PDE4D: variants seen among roughly 807,000 people sequenced by gnomAD.
PDE4D encodes phosphodiesterase 4D, also known as 3',5'-cyclic-AMP phosphodiesterase 4D.
A neutral mutation model predicts 87.4 loss-of-function variants in PDE4D; 24 were observed. That is an observed-to-expected ratio of 0.27 (90% CI 0.20 to 0.39). PDE4D has a LOEUF of 0.39. Among genes scored for constraint, PDE4D ranks in the 10% least tolerant of loss-of-function variants. The pLI, the probability that PDE4D is intolerant of heterozygous loss-of-function variation, is 1.00. For synonymous variants in PDE4D, 384 were observed against 383.2 expected (o/e 1.00, Z -0.02); for missense variants, 714 against 1,041.0 (o/e 0.69, Z 4.32).
At chr5:59,697,327 T>C (rs917096097) in intron 1 of PDE4D, among the ~76,000 whole-genome samples, 1 of 152,134 alleles carries the variant, frequency 6.6e-6, no homozygotes, top group African/African-American at 2.4e-5. Context: ...ATTATAATTG[T>C]GTTAAATGCT....
At chr5:59,154,621 T>G (rs1779902266) in intron 5 of PDE4D, among the ~76,000 whole-genome samples, 1 of 152,174 alleles carries the variant, frequency 6.6e-6, no homozygotes, top group Non-Finnish European at 1.5e-5. Flanking sequence ...GCATGGTGGC[T>G]CACACCTGTA....
intron 2 of PDE4D, among the ~76,000 whole-genome samples, chr5:59,198,051 C>T (rs755379448): frequency 2.0e-5 from 3 of 152,162 alleles, no homozygotes; most frequent in Middle Eastern, 3.2e-3. Context: ...TTCAAAGTCA[C>T]ACAGTGAATA....
intron 2 of PDE4D, among the ~76,000 whole-genome samples, chr5:60,069,356 A>G (rs982672673): frequency 9.2e-5 from 14 of 152,182 alleles, no homozygotes; most frequent in African/African-American, 3.4e-4. Flanking sequence ...GGCACTAACT[A>G]TGAGGAAGCA....
chr5:59,114,278 T>C (rs953186595), intron 5 of PDE4D, among the ~76,000 whole-genome samples: 5 of 152,142 alleles, frequency 3.3e-5, no homozygotes, highest in African/African-American at 9.7e-5. Context: ...TTAAAGTATA[T>C]ATTAATGGTG....
intron 1 of PDE4D, chr5:60,372,593 A>G (rs1328518066): frequency 6.6e-6 from 1 of 152,192 alleles, no homozygotes; most frequent in Non-Finnish European, 1.5e-5. Flanking sequence ...GTTCCCTTGC[A>G]GCCCTTATTT....
rs116667918 is a variant in PDE4D, at chr5:60,161,983, G to A, written c.42+23574C>T. ...AGATGCTTATTCATCAGACTGCTGCGTCCACCACCAAAAGCATCAACCTAC... is the reference window on the plus strand; with the variant it reads ...AGATGCTTATTCATCAGACTGCTGCATCCACCACCAAAAGCATCAACCTAC... On this transcript the variant is annotated intron_variant, in intron 2 of 16. Transcript: ENST00000502484. Among the ~76,000 whole-genome samples the A allele has an allele frequency of 6.1e-3, 923 of 152,076 alleles. 12 individuals are homozygous for A. The highest frequency in any genetic ancestry group is 0.02 in the African/African-American group (836 of 41,490).
At chr5:59,270,437 A>G (rs944940036) in intron 1 of PDE4D, among the ~76,000 whole-genome samples, 5 of 152,182 alleles carry the variant, frequency 3.3e-5, no homozygotes, top group Admixed American at 6.5e-5. Context: ...GAAGCCTTAC[A>G]GAGCTTGCAG....
chr5:59,701,302 C>G (rs1278356113), intron 1 of PDE4D, among the ~76,000 whole-genome samples: 1 of 152,164 alleles, frequency 6.6e-6, no homozygotes. Flanking sequence ...TAGTGCTAAT[C>G]ACGGCACTCA....
intron 1 of PDE4D, among the ~76,000 whole-genome samples, chr5:59,853,230 C>T (rs1182063837): frequency 6.6e-6 from 1 of 151,982 alleles, no homozygotes; most frequent in East Asian, 1.9e-4. Flanking sequence ...AAATGCCATA[C>T]AGAAGTGTAA....
rs116809898 is a variant in PDE4D, at chr5:60,338,821, C to T, written c.-90+149121G>A. Among the ~76,000 whole-genome samples the T allele has an allele frequency of 4.4e-3, 665 of 151,886 alleles. 4 individuals carry two copies. Among genetic ancestry groups the T allele is most frequent in the Non-Finnish European group, 7.6e-3 (516 of 67,910 alleles). On this transcript the variant is annotated intron_variant, in intron 1 of 16. Coordinates refer to the PDE4D transcript ENST00000502484. ...ACAAAAATTATATGCTGAGGTTGCC[C>T]CTTCCCAAAATAGGAGAGGGGCCTG...
chr5:59,079,827 AAGGAAAGGAGGGGAGAGGAGGGGAG>A lies in PDE4D; in HGVS notation c.809-40881_809-40857del, dbSNP rs1325078986. ...ACTCTACCCAGTGTCAAGGAAAGGAAAGGAAAGGAGGGGAGAGGAGGGGAGAGGAGAGGAGAGGAGAGGAGAGGAG... is the reference window on the plus strand; with the variant it reads ...ACTCTACCCAGTGTCAAGGAAAGGAAAGGAGAGGAGAGGAGAGGAGAGGAG... On this transcript the variant is annotated intron_variant, in intron 5 of 14. Coordinates refer to ENST00000340635, the MANE Select transcript of PDE4D (RefSeq NM_001104631.2). 1.6e-3 allele frequency among the ~76,000 whole-genome samples: 202 copies of A among 123,728 alleles called. 1 individual carries two copies. The highest frequency in any genetic ancestry group is 5.2e-3 in the African/African-American group (185 of 35,514). The allele number at this position is 123,728 out of a possible 152,430, so 81.2% of individuals were successfully genotyped here. A position where few individuals can be genotyped will look rare whatever the true frequency, so the allele number is the denominator to read the frequency against.
intron 1 of PDE4D, among the ~76,000 whole-genome samples, chr5:59,388,969 C>A (rs1787680361): frequency 6.6e-6 from 1 of 151,932 alleles, no homozygotes; most frequent in African/African-American, 2.4e-5. Context: ...TTAGCTTTTA[C>A]CCCCAAACCT....
At chr5:60,028,948 C>A (rs1339265535) in intron 2 of PDE4D, among the ~76,000 whole-genome samples, 1 of 152,188 alleles carries the variant, frequency 6.6e-6, no homozygotes, top group East Asian at 1.9e-4. Context: ...ATTTATGATG[C>A]ACAATAATTC....
intron 3 of PDE4D, among the ~76,000 whole-genome samples, chr5:59,985,420 C>T (rs1340201072): frequency 2.0e-5 from 3 of 151,968 alleles, no homozygotes; most frequent in African/African-American, 4.8e-5. Context: ...GGATTACAGG[C>T]GTGAGCCACT....
intron 5 of PDE4D, among the ~76,000 whole-genome samples, chr5:59,113,253 AG>A (rs995809195): frequency 1.3e-4 from 20 of 152,232 alleles, no homozygotes; most frequent in Non-Finnish European, 1.5e-5. Flanking sequence ...AATTGATGGT[AG>A]GGGACCTACT....
intron 1 of PDE4D, among the ~76,000 whole-genome samples, chr5:59,405,035 T>C (rs1423413383): frequency 2.0e-5 from 3 of 152,218 alleles, no homozygotes; most frequent in Non-Finnish European, 4.4e-5. Flanking sequence ...AGTTTTGTTC[T>C]TTTTGCTCAG....
rs536373593 is a variant in PDE4D at position 59,039,289 on chromosome 5, T to A, written c.809-318A>T. The A allele has an allele frequency of 2.3e-5, 25 of 1,083,404 alleles. 1 individual carries two copies. The East Asian group carries it at 1.0e-3, about 44-fold the overall frequency. 67.1% of individuals were successfully genotyped at this position (1,083,404 alleles called of 1,614,324 possible). On this transcript the variant is annotated intron_variant, in intron 5 of 14. Transcript: ENST00000340635. Reference sequence around the variant, plus strand: ...AAAAACCACTATGCGACTTTTCAACTGTGCGGCGGGCCCGAGTCCCAGTCC... The same window carrying A: ...AAAAACCACTATGCGACTTTTCAACAGTGCGGCGGGCCCGAGTCCCAGTCC...
chr5:59,632,812 A>G (rs1031600344), intron 1 of PDE4D, among the ~76,000 whole-genome samples: 5 of 152,196 alleles, frequency 3.3e-5, no homozygotes, highest in Admixed American at 3.3e-4. Context: ...ATTCCAAAAA[A>G]CAGAATGCCT....
intron 1 of PDE4D, among the ~76,000 whole-genome samples, chr5:59,348,367 C>T (rs1305699648): frequency 6.6e-6 from 1 of 152,048 alleles, no homozygotes; most frequent in African/African-American, 2.4e-5. Flanking sequence ...ATTTAGTGAC[C>T]TCTGCTGTTT....
Sources: gnomAD v4.1 joint callset for allele counts (sites outside exome capture counted in the v4.1 genomes callset) on GRCh38, gnomAD v4.1.1 for gene constraint, MANE v1.5 for transcripts, NCBI Gene and HGNC (gene_info 2026-07-23, HGNC 2026-07-21) for gene names.